MBLAC2: variants seen among roughly 807,000 people sequenced by gnomAD.
MBLAC2 encodes the protein acyl-coenzyme A thioesterase MBLAC2.
Under a neutral mutation model 23.3 loss-of-function variants are expected in MBLAC2, and 24 were observed. The observed-to-expected ratio is 1.03, with a 90% CI of 0.75 to 1.45. The LOEUF is 1.45. Ranked by LOEUF, MBLAC2 falls within the 40% of genes most tolerant of loss-of-function variation. The pLI is 0.00. For missense variants in MBLAC2, 358 were observed against 370.0 expected, an observed-to-expected ratio of 0.97 and a Z score of 0.27; for synonymous variants, 162 against 150.9, an observed-to-expected ratio of 1.07 and a Z score of -0.54.
chr5:90,461,540 T>A lies in MBLAC2; in HGVS notation c.467A>T (p.Asn156Ile). Reference protein sequence around the residue: ...TLILQDGDVINLGDRQLTVMH... With the variant: ...TLILQDGDVIILGDRQLTVMH... ...AACAGTGAGCTGTCTGTCACCAAGG[T>A]TGATCACATCCCCTACAAATGGAAA... Residue 156 changes from asparagine to isoleucine, a missense_variant, in exon 2 of 2, where the codon AAC becomes ATC. Asn to Ile is a moderately radical substitution (Grantham distance 149). Coordinates refer to ENST00000316610, the MANE Select transcript of MBLAC2 (RefSeq NM_203406.2). 6.2e-7 allele frequency: 1 copy of A among 1,609,774 alleles called. No homozygotes were observed. The highest frequency in any genetic ancestry group is 8.5e-7 in the Non-Finnish European group (1 of 1,177,844).
chr5:90,459,425 A>G lies in MBLAC2; in HGVS notation c.*1742T>C, dbSNP rs1461608982. The G allele has an allele frequency of 6.6e-6, 1 of 152,084 alleles. No homozygotes were observed. Among genetic ancestry groups the G allele is most frequent in the Non-Finnish European group, 1.5e-5 (1 of 67,968 alleles). 9.4% of individuals were successfully genotyped at this position (152,084 alleles called of 1,614,324 possible). A position where few individuals can be genotyped will look rare whatever the true frequency, so the allele number is the denominator to read the frequency against. ...GAATATACTGGATTCCTGAAAATTA[A>G]ATTTATATTTTCACAAGGAATAGAC... On this transcript the variant is annotated 3_prime_UTR_variant, in exon 2 of 2. Transcript: ENST00000316610.
At chr5:90,464,655 G>C (rs1750420432) in intron 1 of MBLAC2, among the ~76,000 whole-genome samples, 1 of 151,984 alleles carries the variant, frequency 6.6e-6, no homozygotes, top group Non-Finnish European at 1.5e-5. Flanking sequence ...ACAAAATATT[G>C]GCAAATCAAA....
Position 90,461,474 on chromosome 5 carries a change from T to C in MBLAC2, c.533A>G (p.His178Arg), listed in dbSNP as rs778201144. The C allele has an allele frequency of 1.2e-6, 2 of 1,614,164 alleles. No individual in the cohort carries two copies. The highest frequency in any genetic ancestry group is 1.1e-5 in the South Asian group (1 of 91,086). ...GAAGAGAATCTTTCGGTCTTTGTCA[T>C]GTAAGCAAATACTGCCCCTGGAGTG... ...PGHSRGSICL[H>R]DKDRKILFSG... Residue 178 changes from histidine to arginine, a missense_variant, in exon 2 of 2, where the codon CAT (histidine) becomes CGT (arginine). By Grantham distance (29) the His-to-Arg change is conservative (BLOSUM62 0). Transcript: ENST00000316610.
intron 1 of MBLAC2, 137 bp downstream of exon 1, chr5:90,473,702 G>A (rs1049727443): frequency 1.3e-5 from 11 of 852,352 alleles, no homozygotes; most frequent in Non-Finnish European, 1.9e-5. Context: ...CTCAGGGAAG[G>A]GTGAAACAGA....
chr5:90,466,910 G>A (rs1325624104), intron 1 of MBLAC2, among the ~76,000 whole-genome samples: 3 of 152,174 alleles, frequency 2.0e-5, no homozygotes, highest in Non-Finnish European at 4.4e-5. Flanking sequence ...GGCTGAAGCT[G>A]GTGGATCACT....
In MBLAC2 at chr5:90,461,416, A is replaced by G. The variant is rs770447452; in HGVS notation, c.591T>C (p.Ile197=). The change falls in exon 2 of 2, where the codon ATT becomes ATC. Residue 197 remains isoleucine, a synonymous_variant. Transcript: ENST00000316610. ...TTATCCTGCTGTATGGGAGCCAGTCAATCAGTGATCCATCATACACGACGT... is the reference window on the plus strand; with the variant it reads ...TTATCCTGCTGTATGGGAGCCAGTCGATCAGTGATCCATCATACACGACGT... ...SGDVVYDGSL[I]DWLPYSRISD... 3 of 1,614,080 alleles carry G rather than the reference A, an allele frequency of 1.9e-6. No homozygotes were observed. The African/African-American group carries it at 4.0e-5, about 22-fold the overall frequency.
At chr5:90,469,477 T>TG (rs1239589139) in intron 1 of MBLAC2, among the ~76,000 whole-genome samples, 1 of 152,054 alleles carries the variant, frequency 6.6e-6, no homozygotes, top group Non-Finnish European at 1.5e-5. Flanking sequence ...AGAGTTTTTT[T>TG]TTTTTGGTGA....
At chr5:90,469,220 C>G (rs558815326) in intron 1 of MBLAC2, among the ~76,000 whole-genome samples, 1 of 152,290 alleles carries the variant, frequency 6.6e-6, no homozygotes, top group African/African-American at 2.4e-5. Context: ...CCCTCCTCGG[C>G]CTTTCAAATT....
intron 1 of MBLAC2, among the ~76,000 whole-genome samples, chr5:90,471,426 T>C (rs549086658): frequency 6.6e-6 from 1 of 150,992 alleles, no homozygotes; most frequent in African/African-American, 2.5e-5. Flanking sequence ...GTATGTACTA[T>C]GTCAATTTAA....
intron 1 of MBLAC2, 53 bp downstream of exon 1, chr5:90,473,784 GTC>G: frequency 6.7e-7 from 1 of 1,496,076 alleles, no homozygotes; most frequent in Non-Finnish European, 9.1e-7. Context: ...CACTCGGACA[GTC>G]TCTTCCCAAT....
chr5:90,467,776 G>A (rs1750474829), intron 1 of MBLAC2, among the ~76,000 whole-genome samples: 1 of 150,832 alleles, frequency 6.6e-6, no homozygotes, highest in African/African-American at 2.5e-5. Context: ...TTTTTACATT[G>A]TTATTGTTAG....
intron 1 of MBLAC2, among the ~76,000 whole-genome samples, chr5:90,468,418 G>A (rs539938170): frequency 4.6e-5 from 7 of 151,498 alleles, no homozygotes; most frequent in South Asian, 2.1e-4. Context: ...CGTCTTTGAC[G>A]GATTGGGTTA....
chr5:90,472,949 G>GA (rs1750586910), intron 1 of MBLAC2: 1 of 152,130 alleles, frequency 6.6e-6, no homozygotes, highest in Non-Finnish European at 1.5e-5. Context: ...AAAGAAAATA[G>GA]AAAACTAATA....
chr5:90,473,665 C>T (rs1179246230), intron 1 of MBLAC2, 174 bp downstream of exon 1: 2 of 723,716 alleles, frequency 2.8e-6, no homozygotes, highest in East Asian at 2.7e-5. Context: ...GCTGTGATGG[C>T]CTTGACTCTG....
chr5:90,461,023 T>C lies in MBLAC2; in HGVS notation c.*144A>G. 1.5e-6 allele frequency: 1 copy of C among 684,136 alleles called. No homozygotes were observed. The highest frequency in any genetic ancestry group is 2.3e-6 in the Non-Finnish European group (1 of 441,384). 42.4% of individuals were successfully genotyped at this position (684,136 alleles called of 1,614,324 possible). A position where few individuals can be genotyped will look rare whatever the true frequency, so the allele number is the denominator to read the frequency against. On this transcript the variant is annotated 3_prime_UTR_variant, in exon 2 of 2. Transcript: ENST00000316610. ...AAAACAATTTAAACTAACAATTTTCTTTTTGGCTTATTCATTCTCAATCTT... is the reference window on the plus strand; with the variant it reads ...AAAACAATTTAAACTAACAATTTTCCTTTTGGCTTATTCATTCTCAATCTT...
At chr5:90,469,193 T>C (rs1750504663) in intron 1 of MBLAC2, among the ~76,000 whole-genome samples, 1 of 152,184 alleles carries the variant, frequency 6.6e-6, no homozygotes, top group South Asian at 2.1e-4. Flanking sequence ...CTTGAACTCT[T>C]GACCTCAGGT....
At chr5:90,465,032 A>G (rs933831582) in intron 1 of MBLAC2, among the ~76,000 whole-genome samples, 1 of 152,236 alleles carries the variant, frequency 6.6e-6, no homozygotes, top group Non-Finnish European at 1.5e-5. Flanking sequence ...AGCCAAGAAA[A>G]AGAGAGTAAG....
chr5:90,461,290 C>G lies in MBLAC2; in HGVS notation c.717G>C (p.Arg239Ser). 2.5e-6 allele frequency: 4 copies of G among 1,614,104 alleles called. No individual in the cohort carries two copies. The highest frequency in any genetic ancestry group is 3.4e-6 in the Non-Finnish European group (4 of 1,180,014). Residue 239 changes from arginine to serine, a missense_variant, in exon 2 of 2, where the codon AGG becomes AGC. Coordinates refer to ENST00000316610, the MANE Select transcript of MBLAC2 (RefSeq NM_203406.2). ...TATAGTTAGAAGCCAATCGAAAAAG[C>G]CTTTCAGCACCAAAGGTATTGAAGT... ...PGHFNTFGAE[R>S]LFRLASNYIS...
chr5:90,468,445 T>C (rs1381660620), intron 1 of MBLAC2, among the ~76,000 whole-genome samples: 1 of 152,074 alleles, frequency 6.6e-6, no homozygotes, highest in African/African-American at 2.4e-5. Flanking sequence ...AAGCCATGTC[T>C]TTGAGCTCTG....
Sources: allele counts gnomAD v4.1 joint callset (sites outside exome capture counted in the v4.1 genomes callset), GRCh38; gene constraint gnomAD v4.1.1; transcripts MANE v1.5; gene names NCBI Gene and HGNC (gene_info 2026-07-23, HGNC 2026-07-21).